MAST4: variants seen among roughly 807,000 people sequenced by gnomAD.
The protein encoded by MAST4 is microtubule associated serine/threonine kinase family member 4, also known as microtubule-associated serine/threonine-protein kinase 4.
Under a neutral mutation model 162.7 loss-of-function variants are expected in MAST4, and 89 were observed. The ratio of observed to expected loss-of-function variants is 0.55; its 90% CI spans 0.46 to 0.65. The LOEUF is 0.65. MAST4 is among the 30% of genes least tolerant of loss of function. The pLI is 0.00. For missense variants in MAST4, 3,153 were observed against 3,374.0 expected (o/e 0.93, Z 1.62); for synonymous variants, 1,479 against 1,361.1 (o/e 1.09, Z -1.91).
intron 1 of MAST4, among the ~76,000 whole-genome samples, chr5:66,636,832 T>C (rs1745153467): frequency 6.6e-6 from 1 of 152,248 alleles, no homozygotes; most frequent in Non-Finnish European, 1.5e-5. Context: ...GAAATCTTTC[T>C]CTTGCTTAAG....
intron 5 of MAST4, among the ~76,000 whole-genome samples, chr5:67,061,144 T>C (rs1759528621): frequency 6.9e-6 from 1 of 144,960 alleles, no homozygotes; most frequent in African/African-American, 2.7e-5. Flanking sequence ...TCAGTCTTTT[T>C]TCCTGTATGT....
chr5:67,138,945 G>A (rs1051497300), intron 19 of MAST4, among the ~76,000 whole-genome samples: 4 of 152,234 alleles, frequency 2.6e-5, no homozygotes, highest in Non-Finnish European at 5.9e-5. Context: ...AGACAAGGAT[G>A]TGATAATGAT....
intron 1 of MAST4, among the ~76,000 whole-genome samples, chr5:66,700,204 A>G (rs1365702352): frequency 1.3e-5 from 2 of 152,252 alleles, no homozygotes; most frequent in Non-Finnish European, 2.9e-5. Flanking sequence ...AATTAACTGT[A>G]GTTCGAAAAG....
At chr5:66,824,306 G>A (rs1257882007) in intron 3 of MAST4, among the ~76,000 whole-genome samples, 1 of 152,168 alleles carries the variant, frequency 6.6e-6, no homozygotes, top group Non-Finnish European at 1.5e-5. Flanking sequence ...GGTGGGACGA[G>A]GGGCAGGGCA....
intron 2 of MAST4, among the ~76,000 whole-genome samples, chr5:66,784,762 A>G (rs1437816882): frequency 1.3e-5 from 2 of 152,220 alleles, no homozygotes; most frequent in Non-Finnish European, 2.9e-5. Flanking sequence ...GAAGTGTGAC[A>G]GTACATTGAC....
intron 4 of MAST4, among the ~76,000 whole-genome samples, chr5:66,993,920 A>ACCCCCCCCCCCCCCCCCCCCCCCCCCCC (rs55759396): frequency 1.7e-5 from 1 of 57,688 alleles, no homozygotes; most frequent in Non-Finnish European, 3.4e-5. Flanking sequence ...TGTGCAGAAG[A>ACCCCCCCCCCCCCCCCCCCCCCCCCCCC]CCCCCCCCCC....
intron 3 of MAST4, among the ~76,000 whole-genome samples, chr5:66,882,135 C>T (rs1761729850): frequency 6.6e-6 from 1 of 152,190 alleles, no homozygotes; most frequent in Non-Finnish European, 1.5e-5. Context: ...TTTATAGATA[C>T]TCCCTTTCCA....
intron 4 of MAST4, among the ~76,000 whole-genome samples, chr5:67,050,022 C>T (rs896265547): frequency 4.6e-5 from 7 of 152,138 alleles, no homozygotes; most frequent in Admixed American, 2.0e-4. Context: ...AGGACAACTT[C>T]TGCAGAAATG....
chr5:66,965,224 G>GTTT, intron 4 of MAST4, among the ~76,000 whole-genome samples: 1 of 72,418 alleles, frequency 1.4e-5, no homozygotes, highest in South Asian at 4.8e-4. Flanking sequence ...TTTTTTTTTT[G>GTTT]CTTTTTTTTT....
At chr5:67,134,758 G>A (rs1441252857) in intron 18 of MAST4, 70 bp downstream of exon 18, 7 of 1,316,742 alleles carry the variant, frequency 5.3e-6, no homozygotes, top group Non-Finnish European at 7.3e-6. Context: ...TCTGTTGAGT[G>A]TCACAGTTTT....
chr5:67,081,551 G>A (rs1762657471), intron 5 of MAST4, among the ~76,000 whole-genome samples: 1 of 152,022 alleles, frequency 6.6e-6, no homozygotes, highest in African/African-American at 2.4e-5. Flanking sequence ...TGGAAGCTTA[G>A]AACATGATTT....
chr5:66,916,793 C>T (rs1036242201), intron 4 of MAST4, among the ~76,000 whole-genome samples: 1 of 152,092 alleles, frequency 6.6e-6, no homozygotes, highest in Non-Finnish European at 1.5e-5. Flanking sequence ...ACAAATTTAT[C>T]CCATTTATTT....
chr5:66,816,419 G>T (rs146599666), intron 3 of MAST4, among the ~76,000 whole-genome samples: 6 of 152,098 alleles, frequency 3.9e-5, no homozygotes, highest in African/African-American at 1.4e-4. Flanking sequence ...CTTTCCTCAA[G>T]TTTTATAATC....
At chr5:66,757,835 T>C (rs1458569412) in intron 1 of MAST4, among the ~76,000 whole-genome samples, 2 of 152,114 alleles carry the variant, frequency 1.3e-5, no homozygotes, top group African/African-American at 4.8e-5. Flanking sequence ...GAAAAAATAA[T>C]TGGGGTATGA....
chr5:66,656,909 A>G (rs973287938), intron 1 of MAST4, among the ~76,000 whole-genome samples: 3 of 152,152 alleles, frequency 2.0e-5, no homozygotes, highest in Non-Finnish European at 2.9e-5. Context: ...AATGCATGTA[A>G]GTTCAGATAT....
At chr5:66,864,915 A>G (rs998442253) in intron 3 of MAST4, among the ~76,000 whole-genome samples, 2 of 152,202 alleles carry the variant, frequency 1.3e-5, no homozygotes, top group Admixed American at 6.5e-5. Context: ...GAGGTTGAGG[A>G]CACTGGAAGT....
intron 4 of MAST4, among the ~76,000 whole-genome samples, chr5:66,979,537 C>T (rs1367189057): frequency 6.6e-6 from 1 of 152,170 alleles, no homozygotes; most frequent in Non-Finnish European, 1.5e-5. Flanking sequence ...TCTAGATCCG[C>T]TAGAGATGCC....
chr5:66,711,455 T>G (rs951702054), intron 1 of MAST4, among the ~76,000 whole-genome samples: 1 of 152,194 alleles, frequency 6.6e-6, no homozygotes, highest in Non-Finnish European at 1.5e-5. Flanking sequence ...TCTTCCATCC[T>G]CAAAGCATAT....
rs577654003 is a variant in MAST4 at position 67,016,994 on chromosome 5, T to TA, written c.675-37404dup. 1.6e-3 allele frequency among the ~76,000 whole-genome samples: 250 copies of TA among 152,300 alleles called. 3 individuals are homozygous for TA. Among genetic ancestry groups the TA allele is most frequent in the African/African-American group, 4.9e-3 (203 of 41,572 alleles). On this transcript the variant is annotated intron_variant, in intron 4 of 28. Coordinates refer to ENST00000403625, the MANE Select transcript of MAST4 (RefSeq NM_001164664.2). The stretch of plus-strand genomic sequence containing the variant: ...ATTTACTTATAGGCTTCTTTCCTTT[T>TA]AAAAAATGTAATAATTCGTCTTGAA...
Sources: allele counts gnomAD v4.1 joint callset (sites outside exome capture counted in the v4.1 genomes callset), GRCh38; gene constraint gnomAD v4.1.1; transcripts MANE v1.5; gene names NCBI Gene and HGNC (gene_info 2026-07-23, HGNC 2026-07-21).